The following MZT2B variants were observed in gnomAD, a reference collection of about 807,000 sequenced individuals.
MZT2B encodes mitotic-spindle organizing protein 2B.
MZT2B carries 11 observed loss-of-function variants against 12.1 expected under a neutral mutation model. That is an observed-to-expected ratio of 0.91 (90% CI 0.57 to 1.50). The LOEUF (loss-of-function observed/expected upper bound fraction) is 1.50, where lower values mean the gene tolerates loss of function less well. Ranked by LOEUF, MZT2B falls within the 40% of genes most tolerant of loss-of-function variation. The pLI is 0.00. For missense variants in MZT2B, 209 were observed against 227.7 expected (o/e 0.92, Z 0.53); for synonymous variants, 85 against 109.5 (o/e 0.78, Z 1.40).
chr2:130,196,444 C>A, the MZT2B span: 1 of 1,553,930 alleles, frequency 6.4e-7, no homozygotes, highest in African/African-American at 1.4e-5. Flanking sequence ...GCAAAATATT[C>A]TAATTTAATA....
the MZT2B span, chr2:130,196,476 T>C: frequency 6.8e-7 from 1 of 1,463,690 alleles, no homozygotes; most frequent in Non-Finnish European, 9.1e-7. Context: ...CTTCAGTATC[T>C]GGCGCTTTCA....
At chr2:130,185,982 G>A (rs1690045176) in intron 2 of MZT2B, among the ~76,000 whole-genome samples, 1 of 152,100 alleles carries the variant, frequency 6.6e-6, no homozygotes, top group Non-Finnish European at 1.5e-5. Context: ...GGAGGGGAAT[G>A]GGGCAGATGT....
At chr2:130,195,110 A>C (rs532883470), downstream of MZT2B, 5 of 1,612,000 alleles carry the variant, frequency 3.1e-6, no homozygotes, top group South Asian at 5.5e-5. Context: ...GACTAGGTCA[A>C]CAATCTCCTT....
intron 2 of MZT2B, among the ~76,000 whole-genome samples, 182 bp from the exon 3 acceptor site, chr2:130,190,287 G>A (rs1690216128): frequency 6.6e-6 from 1 of 152,222 alleles, no homozygotes; most frequent in Admixed American, 6.5e-5. Context: ...AAGGGCTTCT[G>A]GGGCGTGACC....
chr2:130,182,554 C>T (rs1294245085), intron 1 of MZT2B, 73 bp from the exon 2 acceptor site: 136 of 1,566,946 alleles, frequency 8.7e-5, no homozygotes, highest in Non-Finnish European at 1.1e-4. Flanking sequence ...CCGCCCCCGT[C>T]CTTGTCGGGT....
intron 2 of MZT2B, chr2:130,184,908 T>C (rs757261766): frequency 7.1e-6 from 7 of 984,912 alleles, no homozygotes; most frequent in Non-Finnish European, 8.4e-6. Context: ...CTCACACCTG[T>C]AATCCCAGCA....
chr2:130,196,340 G>A, the MZT2B span: 9 of 1,613,814 alleles, frequency 5.6e-6, no homozygotes, highest in African/African-American at 4.0e-5. Flanking sequence ...CTGGACACCC[G>A]CCTGCCCCAC....
At chr2:130,194,813 C>G (rs2407483), downstream of MZT2B, among the ~76,000 whole-genome samples, 2 of 152,232 alleles carry the variant, frequency 1.3e-5, no homozygotes, top group African/African-American at 4.8e-5. Flanking sequence ...AAGTAGCTGG[C>G]AGTACAGGTG....
At chr2:130,184,239 C>T (rs1447480904) in intron 2 of MZT2B, 1 of 1,390,022 alleles carries the variant, frequency 7.2e-7, no homozygotes, top group South Asian at 1.6e-5. Flanking sequence ...GTAAAGAGCC[C>T]CTCTCCAAGG....
intron 2 of MZT2B, among the ~76,000 whole-genome samples, chr2:130,190,164 C>G (rs1690209441): frequency 6.6e-6 from 1 of 152,178 alleles, no homozygotes; most frequent in African/African-American, 2.4e-5. Flanking sequence ...GCACACCTAC[C>G]TTTCCCTAAA....
chr2:130,194,394 C>T (rs140256831), downstream of MZT2B: 9,981 of 1,612,346 alleles, frequency 6.2e-3, 204 homozygotes, highest in African/African-American at 0.085. Context: ...AGCAGAGATG[C>T]GAACCCAGAG....
downstream of MZT2B, among the ~76,000 whole-genome samples, chr2:130,191,379 C>T (rs200034754): frequency 5.3e-5 from 8 of 152,172 alleles, no homozygotes; most frequent in East Asian, 1.5e-3. Context: ...ATGTCCTGAC[C>T]TTACATATTT....
chr2:130,191,876 G>A (rs779523759), downstream of MZT2B: 52 of 1,613,694 alleles, frequency 3.2e-5, no homozygotes, highest in Middle Eastern at 1.6e-4. Flanking sequence ...CGGAATCCAC[G>A]CCCACCTCTT....
At chr2:130,193,606 C>CAAAA, downstream of MZT2B, among the ~76,000 whole-genome samples, 1 of 95,084 alleles carries the variant, frequency 1.1e-5, no homozygotes, top group South Asian at 3.5e-4. Context: ...AAGACTGTCT[C>CAAAA]AAAAAAAAAA....
In MZT2B at chr2:130,190,531, G is replaced by A. The variant is rs561603861; in HGVS notation, c.382G>A (p.Glu128Lys). The A allele has an allele frequency of 1.2e-5, 20 of 1,613,870 alleles. No homozygotes were observed. Among genetic ancestry groups the A allele is most frequent in the East Asian group, 1.1e-4 (5 of 44,870 alleles). The change falls in exon 3 of 3, where the codon GAA becomes AAA. Residue 128 changes from glutamate (E) to lysine (K), a missense_variant. Coordinates refer to ENST00000281871, the MANE Select transcript of MZT2B (RefSeq NM_025029.5). Reference sequence around the variant, plus strand: ...GGCCCTGGCGGAACGCAGCAGCCGCGAAGGATCCAGCCAGAGGATGCCACG... The same window carrying A: ...GGCCCTGGCGGAACGCAGCAGCCGCAAAGGATCCAGCCAGAGGATGCCACG... Reference protein sequence around the residue: ...ALALAERSSREGSSQRMPRQP... With the variant: ...ALALAERSSRKGSSQRMPRQP...
At chr2:130,204,685 C>A in the MZT2B span, among the ~76,000 whole-genome samples, 2,775 of 114,446 alleles carry the variant, frequency 0.024, 54 homozygotes, top group African/African-American at 0.08. Context: ...GAGCAAAACT[C>A]TGTCTCAAAA....
At chr2:130,204,704 A>AGG in the MZT2B span, among the ~76,000 whole-genome samples, 1 of 56,814 alleles carries the variant, frequency 1.8e-5, no homozygotes, top group African/African-American at 6.1e-5. Flanking sequence ...AAAAAAAAAA[A>AGG]GGGGGGGTGG....
downstream of MZT2B, chr2:130,195,124 G>C: frequency 6.2e-7 from 1 of 1,613,062 alleles, no homozygotes; most frequent in Non-Finnish European, 8.5e-7. Context: ...TCTCCTTGCC[G>C]ATGGTGTAAT....
the MZT2B span, among the ~76,000 whole-genome samples, chr2:130,197,878 G>A: frequency 8.0e-6 from 1 of 125,380 alleles, no homozygotes; most frequent in Non-Finnish European, 1.8e-5. Flanking sequence ...CAAGGGCTGG[G>A]ATTCCAGGCG....
Sources: gnomAD v4.1 joint callset for allele counts (sites outside exome capture counted in the v4.1 genomes callset) on GRCh38, gnomAD v4.1.1 for gene constraint, MANE v1.5 for transcripts, NCBI Gene and HGNC (gene_info 2026-07-23, HGNC 2026-07-21) for gene names.